The following ARMH4 variants were observed in gnomAD, a reference collection of about 807,000 sequenced individuals.
ARMH4 encodes armadillo-like helical domain-containing protein 4.
Under a neutral mutation model 61.9 loss-of-function variants are expected in ARMH4, and 49 were observed. The observed-to-expected ratio is 0.79, with a 90% CI of 0.63 to 1.00. ARMH4 has a LOEUF of 1.00. ARMH4 is among the 50% of genes least tolerant of loss of function. The pLI is 0.00. For missense variants in ARMH4, 934 were observed against 930.0 expected (o/e 1.00, Z -0.06); for synonymous variants, 368 against 341.5 (o/e 1.08, Z -0.85).
At chr14:58,045,363 C>G (rs546881108) in intron 5 of ARMH4, among the ~76,000 whole-genome samples, 1 of 152,084 alleles carries the variant, frequency 6.6e-6, no homozygotes, top group East Asian at 1.9e-4. Context: ...ATCGCAAGGA[C>G]AAAAAACCAA....
At chr14:58,052,194 C>A (rs1298934799) in intron 5 of ARMH4, among the ~76,000 whole-genome samples, 1 of 152,108 alleles carries the variant, frequency 6.6e-6, no homozygotes, top group Non-Finnish European at 1.5e-5. Flanking sequence ...TCCAGTGAGA[C>A]CAGGGACTGT....
At chr14:58,064,483 C>T (rs1175181566) in intron 5 of ARMH4, among the ~76,000 whole-genome samples, 5 of 152,252 alleles carry the variant, frequency 3.3e-5, no homozygotes, top group South Asian at 4.1e-4. Context: ...TTTATACAAA[C>T]GGATGTTTTT....
At chr14:58,032,802 G>T (rs542221029) in intron 5 of ARMH4, among the ~76,000 whole-genome samples, 1 of 152,118 alleles carries the variant, frequency 6.6e-6, no homozygotes, top group Admixed American at 6.5e-5. Flanking sequence ...GACGCACCTG[G>T]AAAATCAGGT....
intron 5 of ARMH4, among the ~76,000 whole-genome samples, chr14:58,078,371 C>G (rs1885115454): frequency 6.6e-6 from 1 of 152,190 alleles, no homozygotes; most frequent in Non-Finnish European, 1.5e-5. Flanking sequence ...CAATGCATTC[C>G]TCTGGCTGTA....
At chr14:58,083,578 A>G (rs1160468379) in intron 5 of ARMH4, among the ~76,000 whole-genome samples, 1 of 152,206 alleles carries the variant, frequency 6.6e-6, no homozygotes, top group East Asian at 1.9e-4. Flanking sequence ...GCAAGACTCC[A>G]TCTCAAAGGC....
chr14:58,038,742 A>T (rs1311243405), intron 5 of ARMH4, among the ~76,000 whole-genome samples: 3 of 152,190 alleles, frequency 2.0e-5, no homozygotes, highest in Non-Finnish European at 4.4e-5. Context: ...TATCTGTGAC[A>T]ACTATAATGT....
chr14:58,082,822 A>C (rs1479701170), intron 5 of ARMH4, among the ~76,000 whole-genome samples: 3 of 152,188 alleles, frequency 2.0e-5, no homozygotes, highest in Admixed American at 2.0e-4. Flanking sequence ...GAAAATGCTA[A>C]GTGTTCACCA....
At chr14:58,118,664 G>A (rs547746982) in intron 4 of ARMH4, among the ~76,000 whole-genome samples, 2 of 152,304 alleles carry the variant, frequency 1.3e-5, no homozygotes, top group South Asian at 4.1e-4. Flanking sequence ...CACGGAATGG[G>A]TCAGGGCCCA....
At chr14:58,077,751 C>T (rs1206511744) in intron 5 of ARMH4, among the ~76,000 whole-genome samples, 2 of 152,196 alleles carry the variant, frequency 1.3e-5, no homozygotes, top group East Asian at 1.9e-4. Context: ...ACAGAGCTAG[C>T]AAGTGATATA....
intron 5 of ARMH4, among the ~76,000 whole-genome samples, chr14:58,015,820 G>A (rs1361439970): frequency 6.6e-6 from 1 of 150,568 alleles, no homozygotes. Context: ...AGCACTTCGG[G>A]AGGCCAAGGC....
intron 5 of ARMH4, among the ~76,000 whole-genome samples, chr14:58,045,680 A>C (rs1223803947): frequency 2.6e-5 from 4 of 152,104 alleles, no homozygotes; most frequent in Non-Finnish European, 4.4e-5. Flanking sequence ...TTGATGGCTT[A>C]ACCCTCAGTC....
chr14:58,117,354 T>C (rs1158481394), intron 4 of ARMH4, among the ~76,000 whole-genome samples: 1 of 152,206 alleles, frequency 6.6e-6, no homozygotes, highest in Non-Finnish European at 1.5e-5. Flanking sequence ...AACTTGTATA[T>C]AAAAATCCAC....
intron 6 of ARMH4, among the ~76,000 whole-genome samples, chr14:58,008,273 C>G (rs1882260195): frequency 6.6e-6 from 1 of 152,142 alleles, no homozygotes; most frequent in Non-Finnish European, 1.5e-5. Context: ...GAGAATGTGA[C>G]AGCAAATGAT....
chr14:58,026,336 CG>C (rs772308200), intron 5 of ARMH4, among the ~76,000 whole-genome samples: 13 of 151,174 alleles, frequency 8.6e-5, no homozygotes, highest in Admixed American at 1.3e-4. Flanking sequence ...GATCATGAAG[CG>C]GAAAAAAAAA....
intron 4 of ARMH4, among the ~76,000 whole-genome samples, chr14:58,098,346 C>T (rs1457880163): frequency 1.3e-5 from 2 of 152,098 alleles, no homozygotes; most frequent in Admixed American, 6.6e-5. Context: ...AACCCCCTAA[C>T]GGGTGCCGTT....
chr14:58,081,641 C>T (rs1885228498), intron 5 of ARMH4, among the ~76,000 whole-genome samples: 1 of 151,988 alleles, frequency 6.6e-6, no homozygotes, highest in Non-Finnish European at 1.5e-5. Context: ...GCTGGGACTA[C>T]AGGCACCCAC....
At chr14:58,080,109 A>G (rs963288601) in intron 5 of ARMH4, among the ~76,000 whole-genome samples, 3 of 132,674 alleles carry the variant, frequency 2.3e-5, no homozygotes, top group African/African-American at 8.4e-5. Flanking sequence ...ATTAAGATTT[A>G]TATTTATTTA....
At position 58,056,289 on chromosome 14, in the gene ARMH4, T is replaced by C. The variant is rs750188861; in HGVS notation, c.2089+40435A>G. The stretch of plus-strand genomic sequence containing the variant: ...ATCATTCTGCAGTACTTCATATCTA[T>C]AGTATCTTTATCAAATGAGTTCCAA... On this transcript the variant is annotated intron_variant, in intron 5 of 7. Coordinates refer to ENST00000267485, the MANE Select transcript of ARMH4 (RefSeq NM_001001872.4). Among the ~76,000 whole-genome samples the C allele has an allele frequency of 4.4e-4, 67 of 152,228 alleles. 1 individual carries two copies. Among genetic ancestry groups the C allele is most frequent in the Non-Finnish European group, 9.0e-4 (61 of 68,038 alleles).
intron 5 of ARMH4, among the ~76,000 whole-genome samples, chr14:58,052,748 A>G (rs1158132800): frequency 6.6e-6 from 1 of 152,044 alleles, no homozygotes; most frequent in African/African-American, 2.4e-5. Flanking sequence ...CATCGTTACC[A>G]TCCAATGCTG....
Sources: allele counts gnomAD v4.1 joint callset (sites outside exome capture counted in the v4.1 genomes callset), GRCh38; gene constraint gnomAD v4.1.1; transcripts MANE v1.5; gene names NCBI Gene and HGNC (gene_info 2026-07-23, HGNC 2026-07-21).